HHAT: variants seen among roughly 807,000 people sequenced by gnomAD.
HHAT encodes the protein hedgehog acyltransferase.
A neutral mutation model predicts 70.8 loss-of-function variants in HHAT; 47 were observed. The ratio of observed to expected loss-of-function variants is 0.66; its 90% CI spans 0.53 to 0.85. HHAT has a LOEUF of 0.85. Ranked by LOEUF, HHAT falls within the 40% of genes least tolerant of loss-of-function variation. The pLI is 0.00. For synonymous variants in HHAT, 228 were observed against 247.6 expected, an observed-to-expected ratio of 0.92 and a Z score of 0.74; for missense variants, 609 against 604.8, an observed-to-expected ratio of 1.01 and a Z score of -0.07.
At chr1:210,428,801 A>G (rs1214590420) in intron 7 of HHAT, among the ~76,000 whole-genome samples, 1 of 151,516 alleles carries the variant, frequency 6.6e-6, no homozygotes, top group Non-Finnish European at 1.5e-5. Context: ...AGATGGCAAA[A>G]CCCCATCTCT....
intron 9 of HHAT, among the ~76,000 whole-genome samples, chr1:210,568,194 A>T (rs1655236051): frequency 6.6e-6 from 1 of 152,262 alleles, no homozygotes; most frequent in Admixed American, 6.5e-5. Context: ...GAAAGGACAG[A>T]GTAATGATGA....
At chr1:210,354,713 A>G (rs2087434859) in intron 2 of HHAT, among the ~76,000 whole-genome samples, 1 of 152,120 alleles carries the variant, frequency 6.6e-6, no homozygotes, top group African/African-American at 2.4e-5. Context: ...ATCAATTCTT[A>G]CATCAATACT....
At chr1:210,438,921 A>G (rs998625420) in intron 7 of HHAT, among the ~76,000 whole-genome samples, 2 of 151,896 alleles carry the variant, frequency 1.3e-5, no homozygotes, top group Non-Finnish European at 2.9e-5. Context: ...GAGAGGTTCA[A>G]CTTGAGTATC....
At chr1:210,584,119 T>C (rs866281785) in intron 9 of HHAT, among the ~76,000 whole-genome samples, 3 of 151,804 alleles carry the variant, frequency 2.0e-5, no homozygotes, top group Admixed American at 6.6e-5. Context: ...ATTTTTGTAT[T>C]TTTAGTAGAG....
intron 3 of HHAT, among the ~76,000 whole-genome samples, chr1:210,368,502 G>C (rs1164044337): frequency 6.6e-6 from 1 of 152,040 alleles, no homozygotes; most frequent in Non-Finnish European, 1.5e-5. Flanking sequence ...TGTCGGCCAG[G>C]CTGGTCTTGA....
rs1459827700 is a variant in HHAT, at chr1:210,674,460, C to T, written c.*81C>T. The T allele has an allele frequency of 1.9e-6, 2 of 1,068,042 alleles. No homozygotes were observed. Among genetic ancestry groups the T allele is most frequent in the African/African-American group, 3.1e-5 (2 of 64,288 alleles). 66.2% of individuals were successfully genotyped at this position (1,068,042 alleles called of 1,614,324 possible). On this transcript the variant is annotated 3_prime_UTR_variant, in exon 12 of 12. Coordinates refer to ENST00000261458, the MANE Select transcript of HHAT (RefSeq NM_018194.6). The stretch of plus-strand genomic sequence containing the variant: ...ACCCTGACCTCTCACTCCAGGACAG[C>T]CTCTAAGGGATTTGATCTGCTCATC...
rs1671631623 is a variant in HHAT at position 210,635,124 on chromosome 1, T to A, written c.1390+11454T>A. Among the ~76,000 whole-genome samples, 3 of 152,146 alleles carry A rather than the reference T, an allele frequency of 2.0e-5. No homozygotes were observed. In the South Asian group the frequency reaches 6.2e-4, roughly 32 times the overall value. On this transcript the variant is annotated intron_variant, in intron 11 of 11. Coordinates refer to ENST00000261458, the MANE Select transcript of HHAT (RefSeq NM_018194.6). Reference sequence around the variant, plus strand: ...ATCTGTCTTAATTTTGTCTTCTGGGTGAGAAAGTCACCATAGAGGAGGTGA... The same window carrying A: ...ATCTGTCTTAATTTTGTCTTCTGGGAGAGAAAGTCACCATAGAGGAGGTGA...
intron 7 of HHAT, among the ~76,000 whole-genome samples, chr1:210,434,979 A>G (rs1157516865): frequency 6.6e-6 from 1 of 151,860 alleles, no homozygotes; most frequent in Non-Finnish European, 1.5e-5. Context: ...TTTAAATACT[A>G]GGAACATTTG....
intron 10 of HHAT, among the ~76,000 whole-genome samples, chr1:210,596,029 A>G (rs559305151): frequency 6.6e-6 from 1 of 152,204 alleles, no homozygotes; most frequent in African/African-American, 2.4e-5. Context: ...TGTTTTAGAC[A>G]TGAAGTCCTT....
In HHAT at chr1:210,529,810, A is replaced by G. The variant is rs866230589; in HGVS notation, c.1043+16622A>G. ...CAGCGGTGTCACCAGAAGCGGAGTG[A>G]ACTGGAGGGGCCTCAGGGAGCAATG... On this transcript the variant is annotated intron_variant, in intron 9 of 11. Coordinates refer to ENST00000261458, the MANE Select transcript of HHAT (RefSeq NM_018194.6). Among the ~76,000 whole-genome samples, 33 of 152,332 alleles carry G rather than the reference A, an allele frequency of 2.2e-4. 1 individual carries two copies. The highest frequency in any genetic ancestry group is 5.2e-4 in the Admixed American group (8 of 15,302).
chr1:210,668,744 T>C (rs1196830237), intron 11 of HHAT, among the ~76,000 whole-genome samples: 2 of 152,236 alleles, frequency 1.3e-5, no homozygotes, highest in East Asian at 1.9e-4. Context: ...CCACAGTGGC[T>C]GTACCATTTC....
chr1:210,664,890 T>G (rs1383256574), intron 11 of HHAT, among the ~76,000 whole-genome samples: 1 of 152,216 alleles, frequency 6.6e-6, no homozygotes, highest in Non-Finnish European at 1.5e-5. Flanking sequence ...GTGTCAGCCT[T>G]GAGGGCACAT....
intron 9 of HHAT, among the ~76,000 whole-genome samples, chr1:210,525,949 T>C (rs141787780): frequency 1.2e-4 from 19 of 152,318 alleles, no homozygotes; most frequent in African/African-American, 4.1e-4. Context: ...TGAATTCTTT[T>C]CCTAATGCGT....
chr1:210,571,887 A>G (rs1403111014), intron 9 of HHAT, among the ~76,000 whole-genome samples: 1 of 152,232 alleles, frequency 6.6e-6, no homozygotes, highest in Non-Finnish European at 1.5e-5. Context: ...GACTGCCTCT[A>G]TCTGTAAAAT....
At chr1:210,666,247 A>G (rs146739439) in intron 11 of HHAT, among the ~76,000 whole-genome samples, 33 of 152,302 alleles carry the variant, frequency 2.2e-4, no homozygotes, top group Non-Finnish European at 4.6e-4. Flanking sequence ...CTCATCTCCC[A>G]TTAGGATGGA....
At chr1:210,621,867 C>T (rs1286354519) in intron 10 of HHAT, among the ~76,000 whole-genome samples, 1 of 152,064 alleles carries the variant, frequency 6.6e-6, no homozygotes, top group Non-Finnish European at 1.5e-5. Context: ...TCTCTGTGAG[C>T]AGGCCACACT....
chr1:210,520,669 C>T (rs1573000360), intron 9 of HHAT, among the ~76,000 whole-genome samples: 1 of 152,140 alleles, frequency 6.6e-6, no homozygotes, highest in East Asian at 1.9e-4. Context: ...GTCTCTGAAA[C>T]ATTAAATTTG....
chr1:210,512,750 A>G (rs1018530206), intron 8 of HHAT, among the ~76,000 whole-genome samples: 3 of 151,830 alleles, frequency 2.0e-5, no homozygotes, highest in East Asian at 3.9e-4. Context: ...CATCTGAGAC[A>G]CGAATATTAC....
At chr1:210,435,842 GCTC>G (rs1377853640) in intron 7 of HHAT, among the ~76,000 whole-genome samples, 1 of 151,562 alleles carries the variant, frequency 6.6e-6, no homozygotes, top group Admixed American at 6.6e-5. Context: ...AGTTGTTTGA[GCTC>G]CTTGTATATT....
Sources: allele counts gnomAD v4.1 joint callset (sites outside exome capture counted in the v4.1 genomes callset), GRCh38; gene constraint gnomAD v4.1.1; transcripts MANE v1.5; gene names NCBI Gene and HGNC (gene_info 2026-07-23, HGNC 2026-07-21).